The following LIX1L variants were observed in gnomAD, a reference collection of about 807,000 sequenced individuals.
The protein encoded by LIX1L is LIX1-like protein.
LIX1L carries 20 observed loss-of-function variants against 34.0 expected under a neutral mutation model. The observed-to-expected ratio is 0.59, with a 90% CI of 0.41 to 0.85. The LOEUF is 0.85. LIX1L is among the 40% of genes least tolerant of loss of function. LIX1L has a pLI of 0.00. For synonymous variants in LIX1L, 170 were observed against 187.4 expected, an observed-to-expected ratio of 0.91 and a Z score of 0.76; for missense variants, 397 against 447.0, an observed-to-expected ratio of 0.89 and a Z score of 1.01.
At chr1:145,944,809 CTT>C (rs1649042704) in intron 2 of LIX1L, among the ~76,000 whole-genome samples, 1 of 152,070 alleles carries the variant, frequency 6.6e-6, no homozygotes, top group South Asian at 2.1e-4. Flanking sequence ...GAAAGGATTG[CTT>C]GAGCTCAGGA....
intron 3 of LIX1L, chr1:145,940,026 G>C (rs868923357): frequency 1.3e-4 from 20 of 152,124 alleles, no homozygotes; most frequent in African/African-American, 4.6e-4. Flanking sequence ...GAATGCAATA[G>C]CACAATCTCG....
rs185858821 is a variant in LIX1L at position 145,948,230 on chromosome 1, T to C, written c.293-448A>G. On this transcript the variant is annotated intron_variant, in intron 1 of 5. Transcript: ENST00000604000. The surrounding 1 kb of genome is among the most constrained non-coding windows in gnomAD (Gnocchi z 4.0). Reference sequence around the variant, plus strand: ...ATAAGTGCTAACATGTATTGAACTGTATGTCACCCATTTCTGTAACTGCTT... The same window carrying C: ...ATAAGTGCTAACATGTATTGAACTGCATGTCACCCATTTCTGTAACTGCTT... Among the ~76,000 whole-genome samples the C allele has an allele frequency of 5.3e-5, 8 of 152,322 alleles. No homozygotes were observed. The highest frequency in any genetic ancestry group is 1.7e-4 in the African/African-American group (7 of 41,562).
intron 3 of LIX1L, among the ~76,000 whole-genome samples, chr1:145,938,815 T>C (rs1469509799): frequency 1.3e-5 from 2 of 152,156 alleles, no homozygotes; most frequent in African/African-American, 2.4e-5. Context: ...CCTGAACCCC[T>C]GACCTCAGGT....
chr1:145,952,615 CTT>C (rs58644653), intron 1 of LIX1L, among the ~76,000 whole-genome samples: 11 of 145,350 alleles, frequency 7.6e-5, no homozygotes, highest in African/African-American at 1.7e-4. Flanking sequence ...AAAATAAAAA[CTT>C]TTTTTTTTTT....
At position 145,935,383 on chromosome 1, in the gene LIX1L, C is replaced by T. The variant is rs1448996945; in HGVS notation, c.*927G>A. 8.5e-5 allele frequency: 13 copies of T among 152,452 alleles called. No individual in the cohort carries two copies. The East Asian group carries it at 1.1e-3, about 13-fold the overall frequency. The allele number at this position is 152,452 out of a possible 1,614,324, so 9.4% of individuals were successfully genotyped here. On this transcript the variant is annotated 3_prime_UTR_variant, in exon 6 of 6. Transcript: ENST00000604000. ...AAGGTAGTAAACAGCAGCAACTTAG[C>T]GGGAATAAGGGGAACATGGTTCTCA...
chr1:145,947,569 T>C (rs782686083), intron 2 of LIX1L, 50 bp downstream of exon 2: 1 of 1,586,370 alleles, frequency 6.3e-7, no homozygotes, highest in Non-Finnish European at 8.6e-7. Context: ...AGAAAGCCGT[T>C]ACTAACATCT....
intron 2 of LIX1L, among the ~76,000 whole-genome samples, chr1:145,945,936 A>G (rs1216246961): frequency 9.9e-5 from 14 of 141,374 alleles, no homozygotes; most frequent in Non-Finnish European, 1.8e-4. Flanking sequence ...AAATACCAAA[A>G]AAAAAAAAAA....
chr1:145,956,865 A>G (rs1417444066), intron 1 of LIX1L, among the ~76,000 whole-genome samples: 1 of 152,268 alleles, frequency 6.6e-6, no homozygotes, highest in African/African-American at 2.4e-5. Flanking sequence ...TAACTGAAAT[A>G]GAGTTTCTAA....
intron 1 of LIX1L, among the ~76,000 whole-genome samples, chr1:145,954,435 A>T (rs587707176): frequency 3.3e-5 from 5 of 152,360 alleles, no homozygotes; most frequent in African/African-American, 9.6e-5. Flanking sequence ...CTTACAGAAA[A>T]GAAGCTATCT....
chr1:145,951,180 G>A (rs1553759803), intron 1 of LIX1L, among the ~76,000 whole-genome samples: 1 of 152,176 alleles, frequency 6.6e-6, no homozygotes. Context: ...TTGAGTAGCT[G>A]GGATTATAGG....
At chr1:145,943,432 C>T (rs1553758911) in intron 2 of LIX1L, among the ~76,000 whole-genome samples, 1 of 152,058 alleles carries the variant, frequency 6.6e-6, no homozygotes, top group Non-Finnish European at 1.5e-5. Context: ...GGGTTTAAGT[C>T]TGAAGAAGGA....
intron 2 of LIX1L, among the ~76,000 whole-genome samples, chr1:145,943,757 C>T (rs1440720639): frequency 1.3e-5 from 2 of 151,966 alleles, no homozygotes; most frequent in African/African-American, 4.8e-5. Context: ...AGACCAAGGC[C>T]GGGCTTGGTG....
intron 2 of LIX1L, among the ~76,000 whole-genome samples, chr1:145,946,460 G>C (rs1352191414): frequency 6.6e-6 from 1 of 152,014 alleles, no homozygotes; most frequent in Non-Finnish European, 1.5e-5. Flanking sequence ...GCCTCCCAGA[G>C]TGCTGGGATT....
intron 1 of LIX1L, chr1:145,949,057 A>C (rs1370399832): frequency 6.6e-6 from 1 of 152,162 alleles, no homozygotes; most frequent in Non-Finnish European, 1.5e-5. Flanking sequence ...TCTAAATCTC[A>C]AAGTCTCTTG....
chr1:145,945,708 T>A (rs1649076962), intron 2 of LIX1L, among the ~76,000 whole-genome samples: 1 of 144,150 alleles, frequency 6.9e-6, no homozygotes, highest in Admixed American at 7.0e-5. Flanking sequence ...GAGATCGGGC[T>A]GTTGCACTCC....
At chr1:145,947,950 A>C (rs1649170801) in intron 1 of LIX1L, among the ~76,000 whole-genome samples, 168 bp from the exon 2 acceptor site, 1 of 152,216 alleles carries the variant, frequency 6.6e-6, no homozygotes, top group African/African-American at 2.4e-5. Context: ...ACTGTGATTA[A>C]GTTAATTTGC....
chr1:145,937,405 C>T (rs370597751), intron 4 of LIX1L, 199 bp downstream of exon 4: 44 of 422,754 alleles, frequency 1.0e-4, no homozygotes, highest in Non-Finnish European at 1.7e-4. Context: ...GTGATCCACC[C>T]GCCTCAGCCT....
intron 5 of LIX1L, 78 bp from the exon 6 acceptor site, chr1:145,936,630 A>T (rs1553757861): frequency 3.2e-6 from 5 of 1,552,612 alleles, no homozygotes; most frequent in Non-Finnish European, 2.6e-6. Flanking sequence ...ACTGGGACTA[A>T]GAACTCAGCT....
intron 3 of LIX1L, 34 bp downstream of exon 3, chr1:145,942,679 C>A (rs782415958): frequency 3.7e-6 from 6 of 1,607,984 alleles, no homozygotes; most frequent in Non-Finnish European, 3.4e-6. Flanking sequence ...CTCCCATCTC[C>A]CACTCTCCTT....
Sources: gnomAD v4.1 joint callset for allele counts (sites outside exome capture counted in the v4.1 genomes callset) on GRCh38, gnomAD v4.1.1 for gene constraint, Gnocchi (gnomAD v3.1) non-coding constraint, MANE v1.5 for transcripts, NCBI Gene and HGNC (gene_info 2026-07-23, HGNC 2026-07-21) for gene names.